The following SLC6A8 variants were observed in gnomAD, a reference collection of about 807,000 sequenced individuals.
The protein encoded by SLC6A8 is solute carrier family 6 member 8.
SLC6A8 carries 6 observed loss-of-function variants against 48.3 expected under a neutral mutation model. The observed-to-expected ratio is 0.12, with a 90% CI of 0.07 to 0.25. SLC6A8 has a LOEUF of 0.25. Ranked by LOEUF, SLC6A8 falls within the 10% of genes least tolerant of loss-of-function variation. The pLI is 1.00. For missense variants in SLC6A8, 260 were observed against 551.5 expected (o/e 0.47, Z 5.29); for synonymous variants, 245 against 244.0 (o/e 1.00, Z -0.04).
At position 153,695,979 on chromosome X, in the gene SLC6A8, G is replaced by C. The variant is rs1158007799; in HGVS notation, c.*765G>C. On this transcript the variant is annotated 3_prime_UTR_variant, in exon 13 of 13. Transcript: ENST00000253122. ...ATTTCTGCTTGTATATTTCTAAAAA[G>C]AGGAAGGAGCCCAAACCATCCTCTC... 7 of 123,662 alleles carry C rather than the reference G, an allele frequency of 5.7e-5. No homozygotes were observed. The highest frequency in any genetic ancestry group is 1.6e-4 in the African/African-American group (5 of 31,157). The allele number at this position is 123,662 out of a possible 1,213,427, so 10.2% of individuals were successfully genotyped here. A position where few individuals can be genotyped will look rare whatever the true frequency, so the allele number is the denominator to read the frequency against.
rs2091486378 is a variant in SLC6A8 at position 153,695,591 on chromosome X, C to T, written c.*377C>T. On this transcript the variant is annotated 3_prime_UTR_variant, in exon 13 of 13. Transcript: ENST00000253122. ...GGGTGACCCCTCACCCCAGAAGCAGCAGTGGCAGCTTGGGAAATGTGAGGA... is the reference window on the plus strand; with the variant it reads ...GGGTGACCCCTCACCCCAGAAGCAGTAGTGGCAGCTTGGGAAATGTGAGGA... The T allele has an allele frequency of 2.3e-5, 5 of 213,084 alleles. No homozygotes were observed. Among genetic ancestry groups the T allele is most frequent in the Non-Finnish European group, 4.3e-5 (5 of 116,876 alleles). 17.6% of individuals were successfully genotyped at this position (213,084 alleles called of 1,213,427 possible). A position where few individuals can be genotyped will look rare whatever the true frequency, so the allele number is the denominator to read the frequency against.
intron 2 of SLC6A8, chrX:153,690,892 A>ACCCCCCCCCCCCCCCCCCCCCC (rs34305716): frequency 2.2e-5 from 3 of 139,213 alleles, no homozygotes; most frequent in African/African-American, 1.7e-4. Context: ...GCGACTAGAA[A>ACCCCCCCCCCCCCCCCCCCCCC]CCCCCCCCCC....
At position 153,688,493 on chromosome X, in the gene SLC6A8, G is replaced by T; in HGVS notation, c.-82G>T. ...GGCCCGCGCCCTCGGGGCCCTCCCC[G>T]GTGCCGCCGGTGCCCCCCGCCTGAC... On this transcript the variant is annotated 5_prime_UTR_variant, in exon 1 of 13. Coordinates refer to ENST00000253122, the MANE Select transcript of SLC6A8 (RefSeq NM_005629.4). 3.3e-6 allele frequency: 1 copy of T among 305,622 alleles called. No homozygotes were observed. Among genetic ancestry groups the T allele is most frequent in the Non-Finnish European group, 4.2e-6 (1 of 235,679 alleles). The allele number at this position is 305,622 out of a possible 1,213,427, so 25.2% of individuals were successfully genotyped here.
Position 153,694,904 on chromosome X carries a change from C to CCCCG in SLC6A8, c.1767+15_1767+16insCCCG. ...CCATGGCTGAGGTAAGGCTCCCGCC[C>CCCCG]GGCCCGCCCTCCCCTCCCCTGCTGT... On this transcript the variant is annotated intron_variant, in intron 12 of 12. Transcript: ENST00000253122. The CCCCG allele has an allele frequency of 8.8e-7, 1 of 1,132,326 alleles. No homozygotes were observed. The highest frequency in any genetic ancestry group is 1.2e-6 in the Non-Finnish European group (1 of 843,401). The allele number at this position is 1,132,326 out of a possible 1,213,427, so 93.3% of individuals were successfully genotyped here.
intron 7 of SLC6A8, 92 bp from the exon 8 acceptor site, chrX:153,693,807 CAGGCGT>C: frequency 1.2e-6 from 1 of 824,739 alleles, no homozygotes; most frequent in Admixed American, 2.6e-5. Flanking sequence ...GCCTCTGAGG[CAGGCGT>C]GGGCATGGGC....
At position 153,696,232 on chromosome X, in the gene SLC6A8, T is replaced by C; in HGVS notation, c.*1018T>C. ...ACGCTGTCCCTTTGCCACAAGTCTG[T>C]GGGGCAAGAGGCTGCAATATTCCGT... On this transcript the variant is annotated 3_prime_UTR_variant, in exon 13 of 13. Coordinates refer to ENST00000253122, the MANE Select transcript of SLC6A8 (RefSeq NM_005629.4). The C allele has an allele frequency of 3.7e-6, 1 of 273,231 alleles. No individual in the cohort carries two copies. Among genetic ancestry groups the C allele is most frequent in the South Asian group, 3.4e-5 (1 of 29,438 alleles). 22.5% of individuals were successfully genotyped at this position (273,231 alleles called of 1,213,427 possible).
chrX:153,694,160 C>G lies in SLC6A8; in HGVS notation c.1285C>G (p.Leu429Val), dbSNP rs782551106. 47 of 1,208,502 alleles carry G rather than the reference C, an allele frequency of 3.9e-5. 1 individual carries two copies. The highest frequency in any genetic ancestry group is 1.8e-4 in the South Asian group (10 of 56,750). The stretch of plus-strand genomic sequence containing the variant: ...AGGTGTGGAGGGCTTCATCACCGGC[C>G]TCCTCGACCTCCTCCCGGCCTCCTA... ...FVGVEGFITG[L>V]LDLLPASYYF... is the part of the protein sequence containing the mutation. Residue 429 changes from leucine to valine, a missense_variant, in exon 9 of 13, where the codon CTC (leucine) becomes GTC (valine). Coordinates refer to ENST00000253122, the MANE Select transcript of SLC6A8 (RefSeq NM_005629.4).
chrX:153,690,686 AG>A, intron 2 of SLC6A8, 180 bp downstream of exon 2: 1 of 506,875 alleles, frequency 2.0e-6, no homozygotes, highest in Non-Finnish European at 3.3e-6. Flanking sequence ...CGGGGACTAG[AG>A]GGGGCATAGG....
chrX:153,694,102 G>A, intron 8 of SLC6A8, 28 bp from the exon 9 acceptor site: 19 of 1,209,019 alleles, frequency 1.6e-5, no homozygotes, highest in Non-Finnish European at 2.1e-5. Context: ...GGCGGTGCGG[G>A]GCTCGGCCTG....
Position 153,691,562 on chromosome X carries a change from G to A in SLC6A8, c.644+9G>A, listed in dbSNP as rs200353790. On this transcript the variant is annotated intron_variant, in intron 3 of 12. Transcript: ENST00000253122. ...GTCATCGAGTTCTGGGAGTGAGTCC[G>A]GCACCTCTGGGCCAAGCCCATCCCA... The A allele has an allele frequency of 7.4e-6, 9 of 1,209,866 alleles. No homozygotes were observed. Among genetic ancestry groups the A allele is most frequent in the Admixed American group, 4.3e-5 (2 of 46,043 alleles).
chrX:153,696,504 G>C lies in SLC6A8; in HGVS notation c.*1290G>C, dbSNP rs2091493305. 6.1e-6 allele frequency: 2 copies of C among 329,430 alleles called. No individual in the cohort carries two copies. The highest frequency in any genetic ancestry group is 3.1e-5 in the Admixed American group (1 of 32,067). 27.1% of individuals were successfully genotyped at this position (329,430 alleles called of 1,213,427 possible). ...GACAGAGGCTGCAGGGCTGGGGCTG[G>C]GTGAGGGTGGCGGGCCTGCGGGGAC... On this transcript the variant is annotated 3_prime_UTR_variant, in exon 13 of 13. Transcript: ENST00000253122.
intron 1 of SLC6A8, among the ~76,000 whole-genome samples, chrX:153,690,130 G>T (rs1269998604): frequency 8.8e-6 from 1 of 113,018 alleles, no homozygotes; most frequent in African/African-American, 3.2e-5. Context: ...AAGCCCTGGG[G>T]GCCTAGGGCC....
At chrX:153,690,097 G>A (rs2091447212) in intron 1 of SLC6A8, among the ~76,000 whole-genome samples, 1 of 113,062 alleles carries the variant, frequency 8.8e-6, no homozygotes, top group African/African-American at 3.2e-5. Flanking sequence ...CATGGCCATC[G>A]CCCCAAGTGA....
chrX:153,693,250 G>A lies in SLC6A8; in HGVS notation c.913-13G>A, dbSNP rs1176497805. On this transcript the variant is annotated splice_polypyrimidine_tract_variant and intron_variant, in intron 5 of 12. Coordinates refer to ENST00000253122, the MANE Select transcript of SLC6A8 (RefSeq NM_005629.4). ...CAGGCCCCTCATGCCTGCGCTCTCC[G>A]GCCCTTCTCTAGGTGTGGATAGATG... is the stretch of plus-strand genomic sequence containing the variant. The A allele has an allele frequency of 8.3e-7, 1 of 1,209,910 alleles. No individual in the cohort carries two copies. The highest frequency in any genetic ancestry group is 1.1e-6 in the Non-Finnish European group (1 of 893,772).
At chrX:153,689,670 AGAG>A (rs1319856980) in intron 1 of SLC6A8, 18 of 334,256 alleles carry the variant, frequency 5.4e-5, no homozygotes, top group African/African-American at 4.9e-4. Flanking sequence ...GGAGGCCCAG[AGAG>A]GAGAAGGGGG....
In SLC6A8 at chrX:153,696,061, T is replaced by G; in HGVS notation, c.*847T>G. On this transcript the variant is annotated 3_prime_UTR_variant, in exon 13 of 13. Coordinates refer to ENST00000253122, the MANE Select transcript of SLC6A8 (RefSeq NM_005629.4). ...TACCCCTCTGCCCCTAGCCAAGGAG[T>G]GTGAATTTATAGATCTAACTTTCAT... 1 of 160,912 alleles carries G rather than the reference T, an allele frequency of 6.2e-6. No individual in the cohort carries two copies. The highest frequency in any genetic ancestry group is 1.2e-5 in the Non-Finnish European group (1 of 84,432). 13.3% of individuals were successfully genotyped at this position (160,912 alleles called of 1,213,427 possible).
At chrX:153,691,629 G>C (rs2148361295) in intron 3 of SLC6A8, 76 bp downstream of exon 3, 1 of 1,131,132 alleles carries the variant, frequency 8.8e-7, no homozygotes, top group African/African-American at 1.8e-5. Context: ...CAGGGGAGTG[G>C]CCCTGAGGGG....
In SLC6A8 at chrX:153,693,181, G is replaced by C. The variant is rs2091466684; in HGVS notation, c.912+6G>C. The C allele has an allele frequency of 8.3e-7, 1 of 1,211,244 alleles. No homozygotes were observed. The highest frequency in any genetic ancestry group is 1.7e-5 in the African/African-American group (1 of 57,971). On this transcript the variant is annotated splice_donor_region_variant and intron_variant, in intron 5 of 12. Transcript: ENST00000253122. ...CAAAGCTGGGGTCCCCTCAGGTGAG[G>C]TGGAGGTGGAGAGGCTGCAGCAGGG... is the stretch of plus-strand genomic sequence containing the variant.
intron 4 of SLC6A8, chrX:153,692,606 G>A (rs781897225): frequency 1.8e-5 from 6 of 338,947 alleles, no homozygotes. Flanking sequence ...GCCTGCCTCT[G>A]CCTGGCCCAG....
Sources: gnomAD v4.1 joint callset for allele counts (sites outside exome capture counted in the v4.1 genomes callset) on GRCh38, gnomAD v4.1.1 for gene constraint, MANE v1.5 for transcripts, NCBI Gene and HGNC (gene_info 2026-07-23, HGNC 2026-07-21) for gene names.